Variants in PPFIA2 observed in about 807,000 individuals in gnomAD.
PPFIA2 encodes PPFI scaffold protein A2.
A neutral mutation model predicts 175.5 loss-of-function variants in PPFIA2; 46 were observed. The observed-to-expected ratio is 0.26, with a 90% CI of 0.21 to 0.34. PPFIA2 has a LOEUF of 0.34. Ranked by LOEUF, PPFIA2 falls within the 10% of genes least tolerant of loss-of-function variation. The probability of loss-of-function intolerance (pLI) is 1.00; values close to 1 mark genes in which losing one functional copy is unlikely to be tolerated. For missense variants in PPFIA2, 1,179 were observed against 1,506.1 expected (o/e 0.78, Z 3.60); for synonymous variants, 568 against 511.4 (o/e 1.11, Z -1.49).
chr12:81,736,474 G>A (rs1375592178), intron 3 of PPFIA2, among the ~76,000 whole-genome samples: 2 of 151,984 alleles, frequency 1.3e-5, no homozygotes, highest in African/African-American at 4.8e-5. Flanking sequence ...AATAAAGGCA[G>A]TAACACAGTC....
At chr12:81,626,299 T>C (rs1337778973) in intron 4 of PPFIA2, among the ~76,000 whole-genome samples, 1 of 151,998 alleles carries the variant, frequency 6.6e-6, no homozygotes, top group Non-Finnish European at 1.5e-5. Flanking sequence ...TCAAGCTTTT[T>C]ATGTTGTTCA....
At chr12:81,566,530 CAAAAAAAA>C (rs3075452) in intron 4 of PPFIA2, among the ~76,000 whole-genome samples, 8 of 68,456 alleles carry the variant, frequency 1.2e-4, no homozygotes, top group African/African-American at 3.9e-4. Flanking sequence ...GACTCCAACT[CAAAAAAAA>C]AAAAAAAAAA....
chr12:81,560,693 C>T (rs2153390715), intron 4 of PPFIA2, among the ~76,000 whole-genome samples: 1 of 152,062 alleles, frequency 6.6e-6, no homozygotes, highest in Middle Eastern at 3.4e-3. Context: ...TCATGTAACC[C>T]TAGATTTATA....
intron 3 of PPFIA2, among the ~76,000 whole-genome samples, chr12:81,700,750 T>A (rs1392739228): frequency 1.3e-5 from 2 of 151,868 alleles, no homozygotes; most frequent in Non-Finnish European, 2.9e-5. Flanking sequence ...CAAAAAAGAC[T>A]ATGGAGAAAA....
At chr12:81,532,041 C>T in intron 4 of PPFIA2, among the ~76,000 whole-genome samples, 1 of 151,786 alleles carries the variant, frequency 6.6e-6, no homozygotes, top group South Asian at 2.1e-4. Flanking sequence ...TCCATGGCTG[C>T]AACCCCAAAC....
chr12:81,651,541 C>G (rs1189849306), intron 4 of PPFIA2, among the ~76,000 whole-genome samples: 1 of 152,106 alleles, frequency 6.6e-6, no homozygotes, highest in Admixed American at 6.5e-5. Flanking sequence ...CTACTTGACT[C>G]TTTCCCTCAA....
At chr12:81,316,688 C>T (rs190990141) in intron 22 of PPFIA2, among the ~76,000 whole-genome samples, 5 of 151,664 alleles carry the variant, frequency 3.3e-5, no homozygotes, top group Admixed American at 2.0e-4. Flanking sequence ...ATTTGTTGCT[C>T]ATTTTTAAGG....
intron 27 of PPFIA2, among the ~76,000 whole-genome samples, chr12:81,280,473 TG>T (rs1393608147): frequency 1.3e-5 from 2 of 152,146 alleles, no homozygotes; most frequent in Non-Finnish European, 2.9e-5. Flanking sequence ...CTCCAGCCAC[TG>T]ATTAAATGTT....
chr12:81,512,372 C>A, intron 4 of PPFIA2: 1 of 1,288,036 alleles, frequency 7.8e-7, no homozygotes. Flanking sequence ...TACTTACATT[C>A]TCTGAGCATT....
intron 7 of PPFIA2, among the ~76,000 whole-genome samples, chr12:81,411,506 C>T (rs1043496888): frequency 3.9e-5 from 6 of 152,068 alleles, no homozygotes; most frequent in Admixed American, 3.9e-4. Context: ...TTGGCTCTGA[C>T]AAGCTCTGAC....
chr12:81,431,418 G>A (rs1454276717), intron 7 of PPFIA2: 1 of 151,970 alleles, frequency 6.6e-6, no homozygotes, highest in African/African-American at 2.4e-5. Context: ...TAAATTGTCT[G>A]GGCTCACTTT....
chr12:81,551,562 T>A (rs2067928144), intron 4 of PPFIA2, among the ~76,000 whole-genome samples: 1 of 151,962 alleles, frequency 6.6e-6, no homozygotes. Flanking sequence ...CTAGAGATGA[T>A]CTAAAGTATA....
At chr12:81,546,322 G>A (rs757225020) in intron 4 of PPFIA2, 1 of 151,902 alleles carries the variant, frequency 6.6e-6, no homozygotes, top group Non-Finnish European at 1.5e-5. Context: ...TTCTAAATTT[G>A]TGTGCAATAT....
At chr12:81,716,200 A>T (rs1005887832) in intron 3 of PPFIA2, among the ~76,000 whole-genome samples, 6 of 151,844 alleles carry the variant, frequency 4.0e-5, no homozygotes, top group Non-Finnish European at 8.8e-5. Flanking sequence ...AAATACATAA[A>T]GTTTGTTCTA....
At chr12:81,727,950 A>G (rs1333122197) in intron 3 of PPFIA2, among the ~76,000 whole-genome samples, 1 of 151,540 alleles carries the variant, frequency 6.6e-6, no homozygotes, top group East Asian at 1.9e-4. Flanking sequence ...ACGGGTTTAT[A>G]AGGTTCTATC....
chr12:81,718,217 T>TA (rs1486728993), intron 3 of PPFIA2, among the ~76,000 whole-genome samples: 1 of 151,606 alleles, frequency 6.6e-6, no homozygotes, highest in African/African-American at 2.4e-5. Context: ...AAGATATAGG[T>TA]AGAGGGATTG....
intron 4 of PPFIA2, among the ~76,000 whole-genome samples, chr12:81,544,052 C>T (rs1361137883): frequency 2.0e-5 from 3 of 152,010 alleles, no homozygotes; most frequent in African/African-American, 7.2e-5. Context: ...CAAAGAGATA[C>T]GAATAAAGCT....
chr12:81,370,210 TAG>T (rs1289922370), intron 11 of PPFIA2, among the ~76,000 whole-genome samples: 4 of 151,726 alleles, frequency 2.6e-5, no homozygotes, highest in Non-Finnish European at 4.4e-5. Context: ...CCTTGCTCTG[TAG>T]AAAAAAAGAT....
rs145855992 is a variant in PPFIA2, at chr12:81,394,586, T to C, written c.763-10342A>G. ...ACCAAACACCGCATGTTCTCAGTTATAAGTGGAAGTTGAACAACGAGAACA... is the reference window on the plus strand; with the variant it reads ...ACCAAACACCGCATGTTCTCAGTTACAAGTGGAAGTTGAACAACGAGAACA... On this transcript the variant is annotated intron_variant, in intron 8 of 32. Transcript: ENST00000549396. Among the ~76,000 whole-genome samples, 299 of 152,018 alleles carry C rather than the reference T, an allele frequency of 2.0e-3. 3 individuals carry two copies. Among genetic ancestry groups the C allele is most frequent in the African/African-American group, 6.8e-3 (280 of 41,478 alleles).
Sources: allele counts gnomAD v4.1 joint callset (sites outside exome capture counted in the v4.1 genomes callset), GRCh38; gene constraint gnomAD v4.1.1; transcripts MANE v1.5; gene names NCBI Gene and HGNC (gene_info 2026-07-23, HGNC 2026-07-21).